DAXX: variants seen among roughly 807,000 people sequenced by gnomAD.
DAXX encodes death domain-associated protein 6.
DAXX carries 24 observed loss-of-function variants against 61.9 expected under a neutral mutation model. The observed-to-expected ratio is 0.39, with a 90% CI of 0.28 to 0.55. The LOEUF (loss-of-function observed/expected upper bound fraction) is 0.55, where lower values mean the gene tolerates loss of function less well. DAXX is among the 20% of genes least tolerant of loss of function. DAXX has a pLI of 0.69. For synonymous variants in DAXX, 357 were observed against 369.5 expected (o/e 0.97, Z 0.39); for missense variants, 819 against 935.3 (o/e 0.88, Z 1.62).
Position 33,319,413 on chromosome 6 carries a change from T to G in DAXX, c.1907A>C (p.Lys636Thr), listed in dbSNP as rs528956295. 7 of 1,613,068 alleles carry G rather than the reference T, an allele frequency of 4.3e-6. No homozygotes were observed. The South Asian group carries it at 7.7e-5, about 18-fold the overall frequency. ...GPPCKKSRKE[K>T]KQTGSGPLGN... ...TAATGGCCCTGATCCTGTTTGCTTC[T>G]TCTCCTTCCGAGATTTTTTGCAGGG... is the stretch of plus-strand genomic sequence containing the variant. The change falls in exon 6 of 8, where the codon AAG (lysine) becomes ACG (threonine). Residue 636 changes from lysine to threonine, a missense_variant. Transcript: ENST00000374542.
intron 5 of DAXX, 68 bp from the exon 6 acceptor site, chr6:33,319,922 C>G (rs1282645608): frequency 3.1e-6 from 5 of 1,599,894 alleles, no homozygotes; most frequent in Non-Finnish European, 4.3e-6. Flanking sequence ...TGAGAGGACA[C>G]TAGGAGGAGG....
chr6:33,321,933 C>G lies in DAXX; in HGVS notation c.-8G>C. The G allele has an allele frequency of 1.2e-6, 2 of 1,600,810 alleles. No homozygotes were observed. The highest frequency in any genetic ancestry group is 1.7e-6 in the Non-Finnish European group (2 of 1,171,818). On this transcript the variant is annotated 5_prime_UTR_variant, in exon 2 of 8. The change abolishes the stop of an existing upstream ORF in the 5' untranslated region. Transcript: ENST00000374542. The surrounding 1 kb of genome is among the most constrained non-coding windows in gnomAD (Gnocchi z 7.2). ...GCTGTTAGCGGTGGCCATAGGGGAT[C>G]AAATCCCCCGGAGGGAGGAAGTGGT...
chr6:33,322,833 C>T, intron 1 of DAXX, 29 bp downstream of exon 1: 1 of 1,250,246 alleles, frequency 8.0e-7, no homozygotes, highest in Non-Finnish European at 1.1e-6. Flanking sequence ...CCGCCCCCGC[C>T]TCTGATCCCC....
In DAXX at chr6:33,321,339, C is replaced by T; in HGVS notation, c.436G>A (p.Ala146Thr). The T allele has an allele frequency of 6.2e-7, 1 of 1,612,410 alleles. No individual in the cohort carries two copies. The highest frequency in any genetic ancestry group is 2.2e-5 in the East Asian group (1 of 44,860). ...AHSAKKKLNL[A>T]PAATTSNEPS... ...TCATTGGAGGTGGTGGCGGCAGGGGCCAAGTTCAGCTTCTTTTTGGCTGAG... is the reference window on the plus strand; with the variant it reads ...TCATTGGAGGTGGTGGCGGCAGGGGTCAAGTTCAGCTTCTTTTTGGCTGAG... Residue 146 changes from alanine (A) to threonine (T), a missense_variant, in exon 3 of 8, where the codon GCC (alanine) becomes ACC (threonine). Ala to Thr is a moderately conservative substitution (Grantham distance 58). Transcript: ENST00000374542. This position sits in a 1 kb window ranked among gnomAD's most constrained non-coding sequence, Gnocchi z 7.2.
At chr6:33,318,917 T>G (rs1008675216) in intron 7 of DAXX, 80 bp downstream of exon 7, 33 of 1,364,586 alleles carry the variant, frequency 2.4e-5, no homozygotes, top group Admixed American at 1.8e-5. Flanking sequence ...ATGTGGCACG[T>G]GGAATATTCA....
In DAXX at chr6:33,320,697, A is replaced by G. The variant is rs1490121238; in HGVS notation, c.1039+39T>C. ...ATGCCCCATCCGCCTCATACCTGAC[A>G]TATAAGGGTCACTGAGAGGCATCCC... On this transcript the variant is annotated intron_variant, in intron 3 of 7. Coordinates refer to ENST00000374542, the MANE Select transcript of DAXX (RefSeq NM_001141969.2). This position sits in a 1 kb window ranked among gnomAD's most constrained non-coding sequence, Gnocchi z 7.1. 6.2e-7 allele frequency: 1 copy of G among 1,609,858 alleles called. No homozygotes were observed. Among genetic ancestry groups the G allele is most frequent in the South Asian group, 1.1e-5 (1 of 90,872 alleles).
chr6:33,318,894 A>T lies in DAXX; in HGVS notation c.2164-92T>A, dbSNP rs373639196. On this transcript the variant is annotated intron_variant, in intron 7 of 7. Transcript: ENST00000374542. ...TTAGAGGATAAAATGGGTGGGAAAAAGGAAGAGACAGGATGTGGCACGTGG... is the reference window on the plus strand; with the variant it reads ...TTAGAGGATAAAATGGGTGGGAAAATGGAAGAGACAGGATGTGGCACGTGG... The T allele has an allele frequency of 5.2e-5, 66 of 1,264,748 alleles. No homozygotes were observed. In the African/African-American group the frequency reaches 8.9e-4, roughly 17 times the overall value. 78.3% of individuals were successfully genotyped at this position (1,264,748 alleles called of 1,614,324 possible).
rs750492588 is a variant in DAXX at position 33,321,885 on chromosome 6, T to C, written c.41A>G (p.Asp14Gly). 1.1e-5 allele frequency: 18 copies of C among 1,610,960 alleles called. No homozygotes were observed. In the Admixed American group the frequency reaches 2.8e-4, roughly 25 times the overall value. ...ANSIIVLDDD[D>G]EDEAAAQPGP... is the part of the protein sequence containing the mutation. ...TGGCTGAGCAGCTGCTTCATCTTCG[T>C]CATCATCATCCAGCACGATGATGCT... The change falls in exon 2 of 8, where the codon GAC (aspartate) becomes GGC (glycine). Residue 14 changes from aspartate (D) to glycine (G), a missense_variant. Coordinates refer to ENST00000374542, the MANE Select transcript of DAXX (RefSeq NM_001141969.2). The surrounding 1 kb of genome is among the most constrained non-coding windows in gnomAD (Gnocchi z 7.2).
At position 33,321,570 on chromosome 6, in the gene DAXX, A is replaced by G. The variant is rs1162259214; in HGVS notation, c.208-3T>C. 1.9e-6 allele frequency: 3 copies of G among 1,611,840 alleles called. No homozygotes were observed. In the South Asian group the frequency reaches 3.3e-5, roughly 18 times the overall value. ...TGCATCTTACAAAGTTCAAGGAACTAGAAGGTTCAGGGGAAGAAGGAAGGG... is the reference window on the plus strand; with the variant it reads ...TGCATCTTACAAAGTTCAAGGAACTGGAAGGTTCAGGGGAAGAAGGAAGGG... On this transcript the variant is annotated splice_polypyrimidine_tract_variant and splice_region_variant and intron_variant, in intron 2 of 7. Transcript: ENST00000374542. The surrounding 1 kb of genome is among the most constrained non-coding windows in gnomAD (Gnocchi z 7.2).
At position 33,318,798 on chromosome 6, in the gene DAXX, C is replaced by T. The variant is rs753078715; in HGVS notation, c.2168G>A (p.Ser723Asn). The T allele has an allele frequency of 7.8e-6, 12 of 1,546,436 alleles. No homozygotes were observed. The East Asian group carries it at 2.7e-4, about 35-fold the overall frequency. ...QPPRPGTCKT[S>N]VATQCDPEEI... is the part of the protein sequence containing the mutation. Reference sequence around the variant, plus strand: ...TTCTGGATCGCATTGTGTGGCCACACTTGTCTGCAGGGAAGTGAGAGACAA... The same window carrying T: ...TTCTGGATCGCATTGTGTGGCCACATTTGTCTGCAGGGAAGTGAGAGACAA... The change falls in exon 8 of 8, where the codon AGT (serine) becomes AAT (asparagine). Residue 723 changes from serine to asparagine, a missense_variant. Coordinates refer to ENST00000374542, the MANE Select transcript of DAXX (RefSeq NM_001141969.2).
At chr6:33,322,383 C>T (rs1369728544) in intron 1 of DAXX, among the ~76,000 whole-genome samples, 1 of 152,088 alleles carries the variant, frequency 6.6e-6, no homozygotes, top group Admixed American at 6.6e-5. Context: ...ACAAGTCAAC[C>T]CCACACCCAC....
Position 33,321,027 on chromosome 6 carries a change from C to T in DAXX, c.748G>A (p.Gly250Ser), listed in dbSNP as rs751767798. 1.2e-6 allele frequency: 2 copies of T among 1,613,894 alleles called. No homozygotes were observed. The highest frequency in any genetic ancestry group is 1.3e-5 in the African/African-American group (1 of 74,922). Residue 250 changes from glycine (G) to serine (S), a missense_variant, in exon 3 of 8, where the codon GGC becomes AGC. Coordinates refer to ENST00000374542, the MANE Select transcript of DAXX (RefSeq NM_001141969.2). The surrounding 1 kb of genome is among the most constrained non-coding windows in gnomAD (Gnocchi z 7.2). ...GGGATGCGCTGCTCTATGACACGGC[C>T]GGTCAGTGAAGAGCAGTCTTTCAGC... ...CELKDCSSLTGRVIEQRIPYR... is the reference protein window; with the variant it reads ...CELKDCSSLTSRVIEQRIPYR...
In DAXX at chr6:33,320,243, T is replaced by C. The variant is rs753270814; in HGVS notation, c.1252-19A>G. On this transcript the variant is annotated intron_variant, in intron 4 of 7. Coordinates refer to ENST00000374542, the MANE Select transcript of DAXX (RefSeq NM_001141969.2). The surrounding 1 kb of genome is among the most constrained non-coding windows in gnomAD (Gnocchi z 7.1). ...TAGGGCCCTGGGAGACAAAGAAGTT[T>C]CTCTAAGGAATCCCTTGCCCCAGAG... 2 of 1,581,386 alleles carry C rather than the reference T, an allele frequency of 1.3e-6. No homozygotes were observed. The highest frequency in any genetic ancestry group is 3.3e-5 in the Admixed American group (2 of 59,882).
Position 33,318,677 on chromosome 6 carries a change from TC to T in DAXX, c.*65del, listed in dbSNP as rs2150985350. On this transcript the variant is annotated 3_prime_UTR_variant, in exon 8 of 8. Coordinates refer to ENST00000374542, the MANE Select transcript of DAXX (RefSeq NM_001141969.2). Reference sequence around the variant, plus strand: ...GCTTAGTCCATCCCTTCCTCAGTCATCTGCTTCCCACCTTCCTCCAAATGTT... The same window carrying T: ...GCTTAGTCCATCCCTTCCTCAGTCATTGCTTCCCACCTTCCTCCAAATGTT... The T allele has an allele frequency of 1.4e-6, 1 of 703,196 alleles. No homozygotes were observed. The highest frequency in any genetic ancestry group is 2.7e-5 in the East Asian group (1 of 36,978). The allele number at this position is 703,196 out of a possible 1,614,324, so 43.6% of individuals were successfully genotyped here. A position where few individuals can be genotyped will look rare whatever the true frequency, so the allele number is the denominator to read the frequency against.
In DAXX at chr6:33,318,738, G is replaced by A. The variant is rs2150985642; in HGVS notation, c.*5C>T. 1 of 1,438,638 alleles carries A rather than the reference G, an allele frequency of 7.0e-7. No individual in the cohort carries two copies. 89.1% of individuals were successfully genotyped at this position (1,438,638 alleles called of 1,614,324 possible). On this transcript the variant is annotated 3_prime_UTR_variant, in exon 8 of 8. Coordinates refer to ENST00000374542, the MANE Select transcript of DAXX (RefSeq NM_001141969.2). ...CATTCTGGAGGCAGGGAGAAGGGGA[G>A]GCAGCTAATCAGAGTCTGAGAGCAC...
chr6:33,320,327 G>C lies in DAXX; in HGVS notation c.1251+53C>G, dbSNP rs1354360324. On this transcript the variant is annotated intron_variant, in intron 4 of 7. Transcript: ENST00000374542. The surrounding 1 kb of genome is among the most constrained non-coding windows in gnomAD (Gnocchi z 7.1). ...CATCAGTCAACCTGGACTCCCTGGTGGCCAGTGCAGGGGAAGGACAATGTC... is the reference window on the plus strand; with the variant it reads ...CATCAGTCAACCTGGACTCCCTGGTCGCCAGTGCAGGGGAAGGACAATGTC... The C allele has an allele frequency of 6.9e-7, 1 of 1,441,816 alleles. No individual in the cohort carries two copies. Among genetic ancestry groups the C allele is most frequent in the South Asian group, 1.1e-5 (1 of 87,642 alleles). 89.3% of individuals were successfully genotyped at this position (1,441,816 alleles called of 1,614,324 possible). A position where few individuals can be genotyped will look rare whatever the true frequency, so the allele number is the denominator to read the frequency against.
chr6:33,320,783 T>C lies in DAXX; in HGVS notation c.992A>G (p.Asp331Gly). ...GIRLQERRHL[D>G]LIYNFGCHLT... Reference sequence around the variant, plus strand: ...GTGGCAGCCAAAGTTGTAGATGAGATCGAGGTGACGTCGCTCCTGTAACCT... The same window carrying C: ...GTGGCAGCCAAAGTTGTAGATGAGACCGAGGTGACGTCGCTCCTGTAACCT... Residue 331 changes from aspartate (D) to glycine (G), a missense_variant, in exon 3 of 8, where the codon GAT becomes GGT. Coordinates refer to ENST00000374542, the MANE Select transcript of DAXX (RefSeq NM_001141969.2). This position sits in a 1 kb window ranked among gnomAD's most constrained non-coding sequence, Gnocchi z 7.1. 1 of 1,614,134 alleles carries C rather than the reference T, an allele frequency of 6.2e-7. No individual in the cohort carries two copies. The highest frequency in any genetic ancestry group is 8.5e-7 in the Non-Finnish European group (1 of 1,180,020).
Position 33,318,980 on chromosome 6 carries a change from C to A in DAXX, c.2163+17G>T. 2 of 1,598,158 alleles carry A rather than the reference C, an allele frequency of 1.3e-6. No individual in the cohort carries two copies. Among genetic ancestry groups the A allele is most frequent in the Non-Finnish European group, 8.6e-7 (1 of 1,167,192 alleles). On this transcript the variant is annotated intron_variant, in intron 7 of 7. Transcript: ENST00000374542. ...AGAGAACAAATTGTCAGAGGAAACACGCCCTCCCCTTCTTACCTTGCAAGT... is the reference window on the plus strand; with the variant it reads ...AGAGAACAAATTGTCAGAGGAAACAAGCCCTCCCCTTCTTACCTTGCAAGT...
chr6:33,319,125 C>A lies in DAXX; in HGVS notation c.2035G>T (p.Val679Phe). The A allele has an allele frequency of 6.2e-7, 1 of 1,614,202 alleles. No homozygotes were observed. The highest frequency in any genetic ancestry group is 8.5e-7 in the Non-Finnish European group (1 of 1,180,034). Residue 679 changes from valine to phenylalanine, a missense_variant, in exon 7 of 8, where the codon GTT becomes TTT. Transcript: ENST00000374542. ...TCCACCCTCGTGGAGGAATCAGCAA[C>A]TGGGGCCAAGGAAGCCAAGGGGGAA... The part of the protein sequence containing the change: ...PPSPLASLAP[V>F]ADSSTRVDSP...
Sources: gnomAD v4.1 joint callset for allele counts (sites outside exome capture counted in the v4.1 genomes callset) on GRCh38, gnomAD v4.1.1 for gene constraint, Gnocchi (gnomAD v3.1) non-coding constraint, MANE v1.5 for transcripts, NCBI Gene and HGNC (gene_info 2026-07-23, HGNC 2026-07-21) for gene names.